Variants in UNC13C observed in about 807,000 individuals in gnomAD.
UNC13C encodes the protein protein unc-13 homolog C.
A neutral mutation model predicts 245.4 loss-of-function variants in UNC13C; 174 were observed. The observed-to-expected ratio is 0.71, with a 90% CI of 0.63 to 0.80. The LOEUF (loss-of-function observed/expected upper bound fraction) is 0.80. UNC13C is among the 30% of genes least tolerant of loss of function. UNC13C has a pLI of 0.00. For missense variants in UNC13C, 2,829 were observed against 2,602.9 expected (o/e 1.09, Z -1.89); for synonymous variants, 992 against 895.1 (o/e 1.11, Z -1.93).
intron 2 of UNC13C, among the ~76,000 whole-genome samples, chr15:54,089,875 T>A (rs1238871011): frequency 6.6e-6 from 1 of 152,182 alleles, no homozygotes; most frequent in Admixed American, 6.5e-5. Flanking sequence ...CATGTTCCCC[T>A]GCTGACTTGT....
At chr15:54,626,061 G>T (rs139837093) in intron 32 of UNC13C, among the ~76,000 whole-genome samples, 127 of 152,248 alleles carry the variant, frequency 8.3e-4, no homozygotes, top group African/African-American at 2.9e-3. Context: ...TTTGGAAGCT[G>T]GTACTGCTGA....
chr15:53,999,297 A>G (rs1277655236), intron 1 of UNC13C, among the ~76,000 whole-genome samples: 2 of 151,814 alleles, frequency 1.3e-5, no homozygotes, highest in Non-Finnish European at 2.9e-5. Context: ...ATTCTCTCAT[A>G]CATATAAAAT....
Position 54,486,182 on chromosome 15 carries a change from G to T in UNC13C, c.4934-8426G>T, listed in dbSNP as rs530255495. Reference sequence around the variant, plus strand: ...CCCAGCACTTTGGGAAGCTGAGGTGGCCGCATCACTTGAGGTTAGGAGTTT... The same window carrying T: ...CCCAGCACTTTGGGAAGCTGAGGTGTCCGCATCACTTGAGGTTAGGAGTTT... On this transcript the variant is annotated intron_variant, in intron 19 of 32. Coordinates refer to ENST00000260323, the MANE Select transcript of UNC13C (RefSeq NM_001080534.3). Among the ~76,000 whole-genome samples the T allele has an allele frequency of 4.6e-5, 7 of 151,492 alleles. No homozygotes were observed. The East Asian group carries it at 1.4e-3, about 30-fold the overall frequency.
chr15:54,121,520 T>C (rs528144004), intron 2 of UNC13C, among the ~76,000 whole-genome samples: 57 of 152,220 alleles, frequency 3.7e-4, no homozygotes, highest in African/African-American at 1.3e-3. Flanking sequence ...TGTGGCCCTC[T>C]GTTTTGTTGC....
chr15:54,620,518 G>C (rs1900730158), intron 30 of UNC13C, among the ~76,000 whole-genome samples: 1 of 152,092 alleles, frequency 6.6e-6, no homozygotes, highest in Admixed American at 6.6e-5. Context: ...TACTGTATTA[G>C]TTACTCGTGC....
At chr15:54,583,968 C>T (rs1898338445) in intron 30 of UNC13C, among the ~76,000 whole-genome samples, 1 of 152,220 alleles carries the variant, frequency 6.6e-6, no homozygotes, top group South Asian at 2.1e-4. Flanking sequence ...ACTGTGCTCT[C>T]TGGCTCCCCG....
chr15:53,989,576 C>T (rs1894291510), intron 1 of UNC13C, among the ~76,000 whole-genome samples: 2 of 151,866 alleles, frequency 1.3e-5, no homozygotes, highest in African/African-American at 4.8e-5. Context: ...CCACGTAAAA[C>T]ATGTTTTCTT....
chr15:54,045,718 A>T (rs982734074), intron 2 of UNC13C, among the ~76,000 whole-genome samples: 1 of 152,218 alleles, frequency 6.6e-6, no homozygotes, highest in African/African-American at 2.4e-5. Context: ...AAGTTATTTT[A>T]GTAAATAAAT....
chr15:54,089,247 G>T (rs995168697), intron 2 of UNC13C, among the ~76,000 whole-genome samples: 1 of 152,188 alleles, frequency 6.6e-6, no homozygotes, highest in African/African-American at 2.4e-5. Context: ...AGCAAGGTAT[G>T]CCTAGTACTA....
downstream of UNC13C, chr15:54,628,733 A>AAAG (rs1475297453): frequency 2.0e-5 from 3 of 152,170 alleles, no homozygotes; most frequent in African/African-American, 7.2e-5. Context: ...CATCTCATTA[A>AAAG]AAGTTTAGAT....
At chr15:54,008,893 A>G (rs1595706886) in intron 1 of UNC13C, among the ~76,000 whole-genome samples, 1 of 152,304 alleles carries the variant, frequency 6.6e-6, no homozygotes, top group East Asian at 1.9e-4. Context: ...ATCTCTTTGA[A>G]TCTCTTATCT....
the UNC13C span, among the ~76,000 whole-genome samples, chr15:53,881,767 T>C: frequency 1.3e-5 from 2 of 152,164 alleles, no homozygotes; most frequent in African/African-American, 4.8e-5. Flanking sequence ...TTCTCAAAAG[T>C]TTTTCAATGG....
intron 19 of UNC13C, among the ~76,000 whole-genome samples, chr15:54,485,849 C>T (rs1893377628): frequency 6.6e-6 from 1 of 152,282 alleles, no homozygotes; most frequent in African/African-American, 2.4e-5. Context: ...GAAGATGGCT[C>T]TGTGGTTTGC....
intron 2 of UNC13C, among the ~76,000 whole-genome samples, chr15:54,127,832 C>A (rs902803666): frequency 2.0e-5 from 3 of 148,046 alleles, no homozygotes; most frequent in Admixed American, 6.8e-5. Flanking sequence ...AAAGCTTGAA[C>A]CTTCCTCCTT....
At chr15:54,478,052 C>T (rs1282721642) in intron 19 of UNC13C, among the ~76,000 whole-genome samples, 2 of 151,512 alleles carry the variant, frequency 1.3e-5, no homozygotes, top group African/African-American at 2.4e-5. Flanking sequence ...GTGTATGTGT[C>T]GAGGAATTTA....
At chr15:54,581,155 G>C (rs760257804) in intron 30 of UNC13C, among the ~76,000 whole-genome samples, 1 of 152,180 alleles carries the variant, frequency 6.6e-6, no homozygotes, top group African/African-American at 2.4e-5. Context: ...ACTGTGATGG[G>C]AGAGTTGGGA....
intron 19 of UNC13C, among the ~76,000 whole-genome samples, chr15:54,456,255 C>G (rs1001911216): frequency 1.3e-4 from 20 of 152,140 alleles, no homozygotes; most frequent in African/African-American, 4.8e-4. Flanking sequence ...TAATTATAGA[C>G]TTGTAGTATA....
chr15:54,311,162 T>G (rs989467897), intron 13 of UNC13C, among the ~76,000 whole-genome samples: 4 of 151,746 alleles, frequency 2.6e-5, no homozygotes, highest in Non-Finnish European at 5.9e-5. Context: ...AGTTTCAGTA[T>G]TTTATTTTGC....
At position 54,574,509 on chromosome 15, in the gene UNC13C, T is replaced by C. The variant is rs1897880081; in HGVS notation, c.6106+6562T>C. Among the ~76,000 whole-genome samples, 6 of 152,280 alleles carry C rather than the reference T, an allele frequency of 3.9e-5. No individual in the cohort carries two copies. The South Asian group carries it at 1.2e-3, about 32-fold the overall frequency. ...ATGAATAAAACTTGAACATATTAAA[T>C]ACAGTTTTTTCAATGAATAACACAA... On this transcript the variant is annotated intron_variant, in intron 30 of 32. Coordinates refer to ENST00000260323, the MANE Select transcript of UNC13C (RefSeq NM_001080534.3).
Sources: gnomAD v4.1 joint callset for allele counts (sites outside exome capture counted in the v4.1 genomes callset) on GRCh38, gnomAD v4.1.1 for gene constraint, MANE v1.5 for transcripts, NCBI Gene and HGNC (gene_info 2026-07-23, HGNC 2026-07-21) for gene names.